R3HDM2: variants seen among roughly 807,000 people sequenced by gnomAD.
R3HDM2 encodes R3H domain containing 2.
In R3HDM2, 38 loss-of-function variants were observed where a neutral mutation model predicts 124.5. That is an observed-to-expected ratio of 0.31 (90% confidence interval 0.24 to 0.40). R3HDM2 has a LOEUF of 0.40. Among genes scored for constraint, R3HDM2 ranks in the 10% least tolerant of loss-of-function variants. R3HDM2 has a pLI of 1.00. For missense variants in R3HDM2, 869 were observed against 1,236.9 expected (o/e 0.70, Z 4.46); for synonymous variants, 391 against 448.0 (o/e 0.87, Z 1.61).
chr12:57,375,002 A>AAAT (rs2063864752), intron 2 of R3HDM2, among the ~76,000 whole-genome samples: 1 of 151,360 alleles, frequency 6.6e-6, no homozygotes, highest in African/African-American at 2.4e-5. Context: ...TCTCAAAAAA[A>AAAT]AAATAAATAA....
chr12:57,308,456 G>A (rs1295924487), intron 3 of R3HDM2, among the ~76,000 whole-genome samples: 5 of 151,018 alleles, frequency 3.3e-5, no homozygotes, highest in Admixed American at 1.3e-4. Flanking sequence ...AGGCCAAGGC[G>A]GGCAGATCAC....
At chr12:57,343,744 T>G (rs2059820028) in intron 2 of R3HDM2, among the ~76,000 whole-genome samples, 1 of 140,480 alleles carries the variant, frequency 7.1e-6, no homozygotes, top group South Asian at 2.2e-4. Flanking sequence ...GATAGACTCA[T>G]GAAGGGTCTT....
chr12:57,258,980 G>C lies in R3HDM2; in HGVS notation c.2211C>G (p.Ser737=). 6.2e-7 allele frequency: 1 copy of C among 1,613,300 alleles called. No homozygotes were observed. Among genetic ancestry groups the C allele is most frequent in the Non-Finnish European group, 8.5e-7 (1 of 1,179,970 alleles). ...PNGPQPPQNP[S]MVQWSHCKYY... is the part of the protein sequence containing the mutation. ...ATTTACAATGACTCCACTGGACCAT[G>C]GATGGGTTCTGAGGGGGCTGGGGTC... The change falls in exon 20 of 24, where the codon TCC becomes TCG. Residue 737 remains serine, a synonymous_variant. Coordinates refer to ENST00000402412, the MANE Select transcript of R3HDM2 (RefSeq NM_001394031.1).
intron 19 of R3HDM2, among the ~76,000 whole-genome samples, chr12:57,259,263 A>C (rs567685511): frequency 1.1e-4 from 16 of 152,218 alleles, no homozygotes; most frequent in Admixed American, 3.9e-4. Flanking sequence ...TGGAAGGGAT[A>C]TGAGCCCCAG....
intron 2 of R3HDM2, among the ~76,000 whole-genome samples, chr12:57,329,763 A>G (rs1593360494): frequency 1.3e-5 from 2 of 151,990 alleles, no homozygotes; most frequent in African/African-American, 4.8e-5. Context: ...AAGAAAAAGA[A>G]AAAAAAAGAA....
chr12:57,405,331 T>C (rs1285923741), intron 1 of R3HDM2, among the ~76,000 whole-genome samples: 1 of 152,232 alleles, frequency 6.6e-6, no homozygotes, highest in Non-Finnish European at 1.5e-5. Context: ...TTCTATATGA[T>C]TGAAGATGTT....
intron 2 of R3HDM2, chr12:57,341,398 A>AT (rs1159406712): frequency 1.0e-6 from 1 of 984,014 alleles, no homozygotes; most frequent in African/African-American, 1.7e-5. Context: ...CTTCAGATGG[A>AT]TTTTTCTTCT....
At chr12:57,384,944 C>G (rs2065480490) in intron 2 of R3HDM2, among the ~76,000 whole-genome samples, 1 of 152,074 alleles carries the variant, frequency 6.6e-6, no homozygotes, top group Non-Finnish European at 1.5e-5. Flanking sequence ...GTCAGGAGTT[C>G]AAGACCAGCC....
intron 14 of R3HDM2, among the ~76,000 whole-genome samples, chr12:57,270,491 G>A (rs1221109056): frequency 6.7e-6 from 1 of 150,012 alleles, no homozygotes; most frequent in African/African-American, 2.5e-5. Flanking sequence ...GTGCAATGGT[G>A]CAGTCTCGGC....
chr12:57,313,759 T>C (rs1447539945), intron 2 of R3HDM2, among the ~76,000 whole-genome samples: 1 of 150,796 alleles, frequency 6.6e-6, no homozygotes, highest in Non-Finnish European at 1.5e-5. Context: ...AGTGTGCCTG[T>C]CGTCCCAGCT....
intron 2 of R3HDM2, among the ~76,000 whole-genome samples, chr12:57,350,383 A>T (rs1427661437): frequency 6.6e-6 from 1 of 152,032 alleles, no homozygotes; most frequent in Non-Finnish European, 1.5e-5. Context: ...CCATAAGAAA[A>T]TTTTTGAAAA....
At chr12:57,359,881 T>C (rs181705288) in intron 2 of R3HDM2, among the ~76,000 whole-genome samples, 4 of 151,602 alleles carry the variant, frequency 2.6e-5, no homozygotes, top group African/African-American at 9.7e-5. Context: ...ATAATCTATA[T>C]TAAAGTAATA....
Position 57,296,595 on chromosome 12 carries a change from C to G in R3HDM2, c.561-44G>C. ...AAAAAAAGTGAAATAAGACAAACAA[C>G]TGCAATAACAACCAATTTTAATTTT... On this transcript the variant is annotated intron_variant, in intron 8 of 23. Transcript: ENST00000402412. This position sits in a 1 kb window ranked among gnomAD's most constrained non-coding sequence, Gnocchi z 4.5. The G allele has an allele frequency of 6.5e-7, 1 of 1,532,028 alleles. No homozygotes were observed. The highest frequency in any genetic ancestry group is 8.8e-7 in the Non-Finnish European group (1 of 1,134,368). 94.9% of individuals were successfully genotyped at this position (1,532,028 alleles called of 1,614,324 possible). A position where few individuals can be genotyped will look rare whatever the true frequency, so the allele number is the denominator to read the frequency against.
At chr12:57,352,943 T>C (rs1395073961) in intron 2 of R3HDM2, among the ~76,000 whole-genome samples, 4 of 151,858 alleles carry the variant, frequency 2.6e-5, no homozygotes, top group African/African-American at 9.7e-5. Flanking sequence ...GTTATCCACA[T>C]AGAAAAAAAA....
At chr12:57,407,145 G>A (rs2068598372) in intron 1 of R3HDM2, among the ~76,000 whole-genome samples, 3 of 151,736 alleles carry the variant, frequency 2.0e-5, no homozygotes, top group African/African-American at 7.3e-5. Flanking sequence ...AGCTACCTGG[G>A]AAGCTGAGGC....
At chr12:57,300,321 GT>G (rs1286876551) in intron 4 of R3HDM2, 140 bp from the exon 5 acceptor site, 14 of 669,450 alleles carry the variant, frequency 2.1e-5, no homozygotes, top group African/African-American at 3.7e-5. Flanking sequence ...TTAAACAGGG[GT>G]TTTTTTCAAA....
chr12:57,356,774 T>C (rs1228182901), intron 2 of R3HDM2, among the ~76,000 whole-genome samples: 2 of 152,244 alleles, frequency 1.3e-5, no homozygotes, highest in Admixed American at 6.5e-5. Context: ...TGAATGAGCT[T>C]TAGCAGTTTG....
At chr12:57,387,966 A>ATTTTT (rs56926878) in intron 2 of R3HDM2, among the ~76,000 whole-genome samples, 48 of 151,106 alleles carry the variant, frequency 3.2e-4, no homozygotes, top group South Asian at 1.2e-3. Context: ...GACAAAAAAA[A>ATTTTT]TTTTTTTTTT....
intron 1 of R3HDM2, among the ~76,000 whole-genome samples, chr12:57,423,888 G>A (rs1346855228): frequency 1.3e-5 from 2 of 148,516 alleles, no homozygotes; most frequent in Non-Finnish European, 3.0e-5. Flanking sequence ...GCTGAGGCGG[G>A]AAGATCACCT....
Sources: gnomAD v4.1 joint callset for allele counts (sites outside exome capture counted in the v4.1 genomes callset) on GRCh38, gnomAD v4.1.1 for gene constraint, Gnocchi (gnomAD v3.1) non-coding constraint, MANE v1.5 for transcripts, NCBI Gene and HGNC (gene_info 2026-07-23, HGNC 2026-07-21) for gene names.